IL17RE: variants seen among roughly 807,000 people sequenced by gnomAD.
IL17RE encodes interleukin 17 receptor E.
Under a neutral mutation model 70.7 loss-of-function variants are expected in IL17RE, and 47 were observed. The ratio of observed to expected loss-of-function variants is 0.67; its 90% CI spans 0.53 to 0.85. IL17RE has a LOEUF of 0.85. Ranked by LOEUF, IL17RE falls within the 40% of genes least tolerant of loss-of-function variation. The pLI is 0.00. For missense variants in IL17RE, 850 were observed against 893.9 expected (o/e 0.95, Z 0.63); for synonymous variants, 372 against 381.2 (o/e 0.98, Z 0.28).
chr3:9,915,458 A>G lies in IL17RE; in HGVS notation c.1655A>G (p.Gln552Arg), dbSNP rs1575501122. ...GCGCGGACGCGCGTAGCGCGGGAGCAGGGCACTGTGCTGCTGCTGTGGAGC... is the reference window on the plus strand; with the variant it reads ...GCGCGGACGCGCGTAGCGCGGGAGCGGGGCACTGTGCTGCTGCTGTGGAGC... ...WAARTRVARE[Q>R]GTVLLLWSGA... The change falls in exon 16 of 16, where the codon CAG (glutamine) becomes CGG (arginine). Residue 552 changes from glutamine (Q) to arginine (R), a missense_variant. Transcript: ENST00000383814. This position sits in a 1 kb window ranked among gnomAD's most constrained non-coding sequence, Gnocchi z 4.9. The G allele has an allele frequency of 7.4e-7, 1 of 1,352,442 alleles. No homozygotes were observed. The highest frequency in any genetic ancestry group is 3.1e-5 in the East Asian group (1 of 32,448). The allele number at this position is 1,352,442 out of a possible 1,614,324, so 83.8% of individuals were successfully genotyped here. A position where few individuals can be genotyped will look rare whatever the true frequency, so the allele number is the denominator to read the frequency against.
chr3:9,912,348 T>C (rs150265202), intron 12 of IL17RE, among the ~76,000 whole-genome samples: 1 of 152,286 alleles, frequency 6.6e-6, no homozygotes, highest in African/African-American at 2.4e-5. Context: ...CAACATTTAA[T>C]ACTGATGCCT....
Position 9,911,600 on chromosome 3 carries a change from A to G in IL17RE, c.1227+3A>G, listed in dbSNP as rs765701177. On this transcript the variant is annotated splice_donor_region_variant and intron_variant, in intron 12 of 15. Transcript: ENST00000383814. Reference sequence around the variant, plus strand: ...CCCCCGTGTACACTGTCAGCCAGGTATGGCCTCGCCCCCACTAGGTCCTAT... The same window carrying G: ...CCCCCGTGTACACTGTCAGCCAGGTGTGGCCTCGCCCCCACTAGGTCCTAT... The G allele has an allele frequency of 5.0e-6, 8 of 1,610,396 alleles. No homozygotes were observed. Among genetic ancestry groups the G allele is most frequent in the South Asian group, 1.1e-5 (1 of 91,010 alleles).
At chr3:9,906,222 C>G in intron 3 of IL17RE, 142 bp from the exon 4 acceptor site, 1 of 353,032 alleles carries the variant, frequency 2.8e-6, no homozygotes, top group Non-Finnish European at 5.3e-6. Flanking sequence ...GCTCTCCAGC[C>G]TGGGCAACAA....
rs973510394 is a variant in IL17RE, at chr3:9,915,974, G to T, written c.*167G>T. ...GGCCGGAAGTCCCAGCCCAGTCCCCGCGCGCGTCCCTCTTCCTCCTCATAC... is the reference window on the plus strand; with the variant it reads ...GGCCGGAAGTCCCAGCCCAGTCCCCTCGCGCGTCCCTCTTCCTCCTCATAC... On this transcript the variant is annotated 3_prime_UTR_variant, in exon 16 of 16. Coordinates refer to ENST00000383814, the MANE Select transcript of IL17RE (RefSeq NM_153480.2). The surrounding 1 kb of genome is among the most constrained non-coding windows in gnomAD (Gnocchi z 4.9). 1.9e-5 allele frequency: 23 copies of T among 1,229,054 alleles called. No homozygotes were observed. In the African/African-American group the frequency reaches 3.3e-4, roughly 18 times the overall value. 76.1% of individuals were successfully genotyped at this position (1,229,054 alleles called of 1,614,324 possible).
chr3:9,907,588 GCCTTT>G (rs1393569882), intron 6 of IL17RE, among the ~76,000 whole-genome samples: 1 of 152,058 alleles, frequency 6.6e-6, no homozygotes, highest in African/African-American at 2.4e-5. Context: ...GCATTAAGAA[GCCTTT>G]CCTTGAGCTT....
chr3:9,915,512 C>G lies in IL17RE; in HGVS notation c.1709C>G (p.Pro570Arg). 2 of 1,317,230 alleles carry G rather than the reference C, an allele frequency of 1.5e-6. No individual in the cohort carries two copies. Among genetic ancestry groups the G allele is most frequent in the Non-Finnish European group, 1.9e-6 (2 of 1,042,278 alleles). The allele number at this position is 1,317,230 out of a possible 1,614,324, so 81.6% of individuals were successfully genotyped here. A position where few individuals can be genotyped will look rare whatever the true frequency, so the allele number is the denominator to read the frequency against. ...SGADLRPVSGPDPRAAPLLAL... is the reference protein window; with the variant it reads ...SGADLRPVSGRDPRAAPLLAL... ...GCCGACCTTCGCCCGGTCAGCGGCC[C>G]CGACCCCCGCGCCGCGCCCCTGCTC... The change falls in exon 16 of 16, where the codon CCC (proline) becomes CGC (arginine). Residue 570 changes from proline to arginine, a missense_variant. By Grantham distance (103) the Pro-to-Arg change is moderately radical. Transcript: ENST00000383814. This position sits in a 1 kb window ranked among gnomAD's most constrained non-coding sequence, Gnocchi z 4.9.
chr3:9,908,193 C>T, intron 6 of IL17RE, 46 bp from the exon 7 acceptor site: 1 of 1,533,168 alleles, frequency 6.5e-7, no homozygotes, highest in Non-Finnish European at 9.0e-7. Context: ...TGTGCCCATG[C>T]TCTTTCTCAG....
rs2082874521 is a variant in IL17RE at position 9,910,894 on chromosome 3, T to G, written c.832T>G (p.Phe278Val). ...YGSDFWKSVHFTDYSQHTQMV... is the reference protein window; with the variant it reads ...YGSDFWKSVHVTDYSQHTQMV... The stretch of plus-strand genomic sequence containing the variant: ...CTCGGACTTCTGGAAGTCAGTGCAC[T>G]TCACTGACTACAGCCAGCACACTCA... Residue 278 changes from phenylalanine (F) to valine (V), a missense_variant, in exon 9 of 16, where the codon TTC becomes GTC. By Grantham distance (50) the Phe-to-Val change is conservative. Transcript: ENST00000383814. The G allele has an allele frequency of 6.2e-7, 1 of 1,614,026 alleles. No individual in the cohort carries two copies. The highest frequency in any genetic ancestry group is 1.3e-5 in the African/African-American group (1 of 74,926).
intron 8 of IL17RE, chr3:9,909,588 C>T (rs535085174): frequency 5.6e-6 from 2 of 360,126 alleles, no homozygotes; most frequent in South Asian, 1.2e-4. Flanking sequence ...GTTCCCATCA[C>T]AGCTCTGTCA....
At chr3:9,906,937 C>G in intron 5 of IL17RE, 24 bp from the exon 6 acceptor site, 3 of 1,614,104 alleles carry the variant, frequency 1.9e-6, no homozygotes, top group Non-Finnish European at 2.5e-6. Flanking sequence ...AGAGACAAGG[C>G]CACTGAGTCC....
rs2083029901 is a variant in IL17RE at position 9,915,594 on chromosome 3, C to T, written c.1791C>T (p.Leu597=). 2.1e-6 allele frequency: 3 copies of T among 1,426,108 alleles called. No individual in the cohort carries two copies. Among genetic ancestry groups the T allele is most frequent in the Admixed American group, 2.8e-5 (1 of 36,094 alleles). The allele number at this position is 1,426,108 out of a possible 1,614,324, so 88.3% of individuals were successfully genotyped here. The change falls in exon 16 of 16, where the codon CTC becomes CTT. Residue 597 remains leucine (L), a synonymous_variant. Transcript: ENST00000383814. This position sits in a 1 kb window ranked among gnomAD's most constrained non-coding sequence, Gnocchi z 4.9. ...TGCTGCTCGCTTACTTCAGTCGCCT[C>T]TGCGCCAAGGGCGACATCCCCCCGC... ...PLLLLAYFSR[L]CAKGDIPPPL... is the part of the protein sequence containing the mutation.
intron 12 of IL17RE, among the ~76,000 whole-genome samples, chr3:9,913,272 C>T (rs1007346101): frequency 1.3e-5 from 2 of 151,954 alleles, no homozygotes; most frequent in Non-Finnish European, 2.9e-5. Flanking sequence ...GGCATGGTGG[C>T]GTGCACCTGT....
chr3:9,911,783 G>C (rs926925589), intron 12 of IL17RE, 186 bp downstream of exon 12: 91 of 518,012 alleles, frequency 1.8e-4, no homozygotes, highest in Non-Finnish European at 2.7e-4. Flanking sequence ...CCTCAAGGGA[G>C]CATTTTCTTT....
chr3:9,903,214 T>G (rs1482700419), intron 1 of IL17RE, 150 bp downstream of exon 1: 9 of 949,912 alleles, frequency 9.5e-6, no homozygotes, highest in South Asian at 1.5e-5. Flanking sequence ...GTAGCCAAGG[T>G]CCTTTGTGCT....
intron 3 of IL17RE, 57 bp downstream of exon 3, chr3:9,904,208 C>T: frequency 6.3e-7 from 1 of 1,595,704 alleles, no homozygotes; most frequent in African/African-American, 1.3e-5. Flanking sequence ...TGAGGGACCA[C>T]CTAGGCTGAG....
chr3:9,914,793 G>A lies in IL17RE; in HGVS notation c.1447+16G>A. ...CCACAGTCAGGTAAGCTCACCTGGG[G>A]TAACCTGGGAAGTCAGACCTGCCCA... is the stretch of plus-strand genomic sequence containing the variant. On this transcript the variant is annotated intron_variant, in intron 15 of 15. Transcript: ENST00000383814. The A allele has an allele frequency of 4.3e-6, 7 of 1,609,210 alleles. No homozygotes were observed. Among genetic ancestry groups the A allele is most frequent in the Admixed American group, 1.7e-5 (1 of 59,978 alleles).
At position 9,906,833 on chromosome 3, in the gene IL17RE, G is replaced by T. The variant is rs780247234; in HGVS notation, c.494G>T (p.Ser165Ile). Residue 165 changes from serine to isoleucine, a missense_variant, in exon 5 of 16, where the codon AGT becomes ATT. Coordinates refer to ENST00000383814, the MANE Select transcript of IL17RE (RefSeq NM_153480.2). ...TQPSDPETWESLPRLDSQRHG... is the reference protein window; with the variant it reads ...TQPSDPETWEILPRLDSQRHG... ...CCTTCGGATCCAGAGACATGGGAAA[G>T]TCTTCCCAGATTGGACTCACAAAGG... is the stretch of plus-strand genomic sequence containing the variant. The T allele has an allele frequency of 4.3e-6, 7 of 1,614,100 alleles. No homozygotes were observed. In the East Asian group the frequency reaches 1.3e-4, roughly 31 times the overall value.
chr3:9,914,694 T>A lies in IL17RE; in HGVS notation c.1364T>A (p.Leu455Gln). 1 of 1,614,132 alleles carries A rather than the reference T, an allele frequency of 6.2e-7. No homozygotes were observed. The highest frequency in any genetic ancestry group is 8.5e-7 in the Non-Finnish European group (1 of 1,180,014). ...CTTGACTCAGTCTCTTACAGACACCTGGGGCTCTTGATCCTGGCACTGCTG... is the reference window on the plus strand; with the variant it reads ...CTTGACTCAGTCTCTTACAGACACCAGGGGCTCTTGATCCTGGCACTGCTG... ...LLCPDVSYRHLGLLILALLAL... is the reference protein window; with the variant it reads ...LLCPDVSYRHQGLLILALLAL... Residue 455 changes from leucine to glutamine, a missense_variant, in exon 15 of 16, where the codon CTG becomes CAG. Physicochemically the swap from Leu to Gln is moderately radical, Grantham distance 113. Coordinates refer to ENST00000383814, the MANE Select transcript of IL17RE (RefSeq NM_153480.2).
Position 9,915,618 on chromosome 3 carries a change from G to A in IL17RE, c.1815G>A (p.Pro605=), listed in dbSNP as rs1456737115. ...TCTGCGCCAAGGGCGACATCCCCCCGCCGCTGCGCGCCCTGCCGCGCTACC... is the reference window on the plus strand; with the variant it reads ...TCTGCGCCAAGGGCGACATCCCCCCACCGCTGCGCGCCCTGCCGCGCTACC... ...SRLCAKGDIP[P]PLRALPRYRL... Residue 605 remains proline (P), a synonymous_variant, in exon 16 of 16, where the codon CCG becomes CCA. Coordinates refer to ENST00000383814, the MANE Select transcript of IL17RE (RefSeq NM_153480.2). This position sits in a 1 kb window ranked among gnomAD's most constrained non-coding sequence, Gnocchi z 4.9. 7.1e-7 allele frequency: 1 copy of A among 1,412,444 alleles called. No homozygotes were observed. The highest frequency in any genetic ancestry group is 9.2e-7 in the Non-Finnish European group (1 of 1,087,370). 87.5% of individuals were successfully genotyped at this position (1,412,444 alleles called of 1,614,324 possible). A position where few individuals can be genotyped will look rare whatever the true frequency, so the allele number is the denominator to read the frequency against.
Sources: allele counts gnomAD v4.1 joint callset (sites outside exome capture counted in the v4.1 genomes callset), GRCh38; gene constraint gnomAD v4.1.1; non-coding constraint Gnocchi (gnomAD v3.1); transcripts MANE v1.5; gene names NCBI Gene and HGNC (gene_info 2026-07-23, HGNC 2026-07-21).